DENND1B: variants seen among roughly 807,000 people sequenced by gnomAD.
DENND1B encodes DENN domain-containing protein 1B.
In DENND1B, 59 loss-of-function variants were observed where a neutral mutation model predicts 90.1. The ratio of observed to expected loss-of-function variants is 0.65; its 90% CI spans 0.53 to 0.81. DENND1B has a LOEUF of 0.81. Ranked by LOEUF, DENND1B falls within the 40% of genes least tolerant of loss-of-function variation. DENND1B has a pLI of 0.00. For synonymous variants in DENND1B, 337 were observed against 324.6 expected, an observed-to-expected ratio of 1.04 and a Z score of -0.41; for missense variants, 862 against 912.6, an observed-to-expected ratio of 0.94 and a Z score of 0.71.
intron 3 of DENND1B, among the ~76,000 whole-genome samples, chr1:197,682,908 G>A (rs925899905): frequency 1.6e-4 from 24 of 152,168 alleles, no homozygotes; most frequent in African/African-American, 4.8e-4. Context: ...AAAGGGTAAG[G>A]AAACCATTCC....
intron 3 of DENND1B, among the ~76,000 whole-genome samples, chr1:197,681,221 C>A (rs554782970): frequency 6.6e-6 from 1 of 152,038 alleles, no homozygotes; most frequent in East Asian, 1.9e-4. Flanking sequence ...GATATAGATA[C>A]AGATGTATGT....
chr1:197,574,844 G>C (rs999572139), intron 15 of DENND1B, among the ~76,000 whole-genome samples: 3 of 152,068 alleles, frequency 2.0e-5, no homozygotes, highest in African/African-American at 7.2e-5. Flanking sequence ...AATGGGGAAA[G>C]GATTCCCGAT....
At chr1:197,623,567 C>T (rs1678367833) in intron 10 of DENND1B, among the ~76,000 whole-genome samples, 1 of 151,402 alleles carries the variant, frequency 6.6e-6, no homozygotes, top group South Asian at 2.1e-4. Flanking sequence ...ATATTTTGTA[C>T]ATTTTTTAAA....
At chr1:197,720,133 T>C (rs1445290186) in intron 2 of DENND1B, among the ~76,000 whole-genome samples, 1 of 152,218 alleles carries the variant, frequency 6.6e-6, no homozygotes, top group African/African-American at 2.4e-5. Context: ...AATACCTTTT[T>C]TGACGTGTGC....
At chr1:197,638,318 G>A (rs1050478092) in intron 10 of DENND1B, among the ~76,000 whole-genome samples, 1 of 152,152 alleles carries the variant, frequency 6.6e-6, no homozygotes, top group Non-Finnish European at 1.5e-5. Flanking sequence ...TTCTGAGGGT[G>A]AATTTACTAA....
Position 197,656,765 on chromosome 1 carries a change from A to C in DENND1B, c.366+1535T>G, listed in dbSNP as rs768648958. On this transcript the variant is annotated intron_variant, in intron 6 of 22. Transcript: ENST00000620048. ...CTGCAGTGAGTGATGATTGTACCAC[A>C]GTGCTCCACCTCTGGGCAACAGAGC... 7.8e-4 allele frequency among the ~76,000 whole-genome samples: 119 copies of C among 152,034 alleles called. 2 individuals carry two copies. The highest frequency in any genetic ancestry group is 3.2e-4 in the Non-Finnish European group (22 of 67,982).
rs570829254 is a variant in DENND1B at position 197,773,105 on chromosome 1, A to G, written c.18-173T>C. ...AACTGTTTTCTCAATTGAGCAACTTAAAAGAGCTGAGACTTAGGAATTCTG... is the reference window on the plus strand; with the variant it reads ...AACTGTTTTCTCAATTGAGCAACTTGAAAGAGCTGAGACTTAGGAATTCTG... On this transcript the variant is annotated intron_variant, in intron 1 of 22. Transcript: ENST00000620048. 41 of 634,620 alleles carry G rather than the reference A, an allele frequency of 6.5e-5. No homozygotes were observed. In the South Asian group the frequency reaches 7.1e-4, roughly 11 times the overall value. The allele number at this position is 634,620 out of a possible 1,614,324, so 39.3% of individuals were successfully genotyped here.
At chr1:197,726,984 G>C (rs1426949260) in intron 2 of DENND1B, among the ~76,000 whole-genome samples, 1 of 152,170 alleles carries the variant, frequency 6.6e-6, no homozygotes, top group African/African-American at 2.4e-5. Context: ...GCAAATGAAA[G>C]TAGAGATGTG....
chr1:197,754,659 C>CAAAAAAA lies in DENND1B; in HGVS notation c.82+18202_82+18208dup, dbSNP rs57926782. Among the ~76,000 whole-genome samples, 560 of 72,816 alleles carry CAAAAAAA rather than the reference C, an allele frequency of 7.7e-3. 40 individuals carry two copies. The highest frequency in any genetic ancestry group is 0.012 in the African/African-American group (223 of 18,056). 47.8% of individuals were successfully genotyped at this position (72,816 alleles called of 152,430 possible). ...TGGGCAACAATGCGAGACTCTGTCT[C>CAAAAAAA]AAAAAAAAAAAAAAAAAAAAAAAAA... is the stretch of plus-strand genomic sequence containing the variant. On this transcript the variant is annotated intron_variant, in intron 2 of 22. Coordinates refer to ENST00000620048, the MANE Select transcript of DENND1B (RefSeq NM_001195215.2).
intron 20 of DENND1B, among the ~76,000 whole-genome samples, chr1:197,538,656 A>ATTTT (rs67761711): frequency 9.4e-6 from 1 of 105,876 alleles, no homozygotes; most frequent in African/African-American, 3.8e-5. Context: ...AATTAATGGG[A>ATTTT]TTTTTTTTTT....
At chr1:197,671,302 C>A (rs1288243057) in intron 5 of DENND1B, among the ~76,000 whole-genome samples, 1 of 152,076 alleles carries the variant, frequency 6.6e-6, no homozygotes, top group Non-Finnish European at 1.5e-5. Context: ...ACCTTTAGAA[C>A]CCTTTCTTCC....
intron 6 of DENND1B, 144 bp downstream of exon 6, chr1:197,658,156 A>G (rs184949484): frequency 2.8e-6 from 2 of 703,704 alleles, no homozygotes; most frequent in African/African-American, 3.6e-5. Flanking sequence ...CTGGCAAGGA[A>G]AAAAGATGTA....
At chr1:197,534,240 T>C (rs1669718980) in intron 20 of DENND1B, among the ~76,000 whole-genome samples, 1 of 152,220 alleles carries the variant, frequency 6.6e-6, no homozygotes, top group South Asian at 2.1e-4. Context: ...AGAGTGTATA[T>C]TATTTCCACT....
In DENND1B at chr1:197,617,764, A is replaced by G; in HGVS notation, c.673-5T>C. On this transcript the variant is annotated splice_region_variant and splice_polypyrimidine_tract_variant and intron_variant, in intron 10 of 22. Transcript: ENST00000620048. ...TCCATGGATACAGGCAGTTAACTGA[A>G]ATTTGTAAAAGGATAACAAAAATAA... 6.2e-7 allele frequency: 1 copy of G among 1,603,040 alleles called. No homozygotes were observed. The highest frequency in any genetic ancestry group is 8.5e-7 in the Non-Finnish European group (1 of 1,171,794).
intron 3 of DENND1B, among the ~76,000 whole-genome samples, chr1:197,696,761 T>C (rs1571394974): frequency 6.6e-6 from 1 of 151,586 alleles, no homozygotes; most frequent in African/African-American, 2.4e-5. Context: ...CTCATTCAAC[T>C]AGCCGTTCAA....
intron 15 of DENND1B, among the ~76,000 whole-genome samples, chr1:197,560,601 G>A (rs563990766): frequency 6.6e-6 from 1 of 151,978 alleles, no homozygotes; most frequent in Admixed American, 6.6e-5. Flanking sequence ...GGAATAGCCA[G>A]AGTAAATACC....
intron 15 of DENND1B, among the ~76,000 whole-genome samples, chr1:197,563,952 C>G (rs572178235): frequency 6.6e-6 from 1 of 151,998 alleles, no homozygotes; most frequent in African/African-American, 2.4e-5. Context: ...GTGATGGAAA[C>G]AGCAAGCAAA....
intron 5 of DENND1B, among the ~76,000 whole-genome samples, chr1:197,671,810 ACT>A (rs949307538): frequency 1.3e-5 from 2 of 152,154 alleles, no homozygotes; most frequent in East Asian, 1.9e-4. Context: ...TTCAAAAATA[ACT>A]CTACAAAAAA....
chr1:197,626,732 A>T (rs1678775154), intron 10 of DENND1B, among the ~76,000 whole-genome samples: 1 of 152,140 alleles, frequency 6.6e-6, no homozygotes, highest in Non-Finnish European at 1.5e-5. Context: ...AAATTAATGA[A>T]TCCAGGAGCT....
Sources: allele counts gnomAD v4.1 joint callset (sites outside exome capture counted in the v4.1 genomes callset), GRCh38; gene constraint gnomAD v4.1.1; transcripts MANE v1.5; gene names NCBI Gene and HGNC (gene_info 2026-07-23, HGNC 2026-07-21).